The following ABAT variants were observed in gnomAD, a reference collection of about 807,000 sequenced individuals.
The protein encoded by ABAT is 4-aminobutyrate aminotransferase, also known as 4-aminobutyrate aminotransferase, mitochondrial.
Under a neutral mutation model 64.6 loss-of-function variants are expected in ABAT, and 45 were observed. The observed-to-expected ratio is 0.70, with a 90% CI of 0.55 to 0.89. ABAT has a LOEUF of 0.89. ABAT is among the 40% of genes least tolerant of loss of function. The pLI is 0.00. For missense variants in ABAT, 633 were observed against 658.4 expected (o/e 0.96, Z 0.42); for synonymous variants, 297 against 250.5 (o/e 1.19, Z -1.75).
At chr16:8,747,576 G>C (rs973910628) in intron 3 of ABAT, among the ~76,000 whole-genome samples, 2 of 151,974 alleles carry the variant, frequency 1.3e-5, no homozygotes, top group Admixed American at 6.6e-5. Context: ...GACACTAACT[G>C]CTAACATCTA....
chr16:8,746,614 C>A (rs2059337774), intron 3 of ABAT, among the ~76,000 whole-genome samples: 1 of 151,326 alleles, frequency 6.6e-6, no homozygotes, highest in Non-Finnish European at 1.5e-5. Flanking sequence ...GTCCTGACCT[C>A]AAGTGATCCA....
intron 1 of ABAT, among the ~76,000 whole-genome samples, chr16:8,732,313 G>A (rs1226572134): frequency 4.7e-5 from 7 of 150,032 alleles, no homozygotes; most frequent in Non-Finnish European, 8.8e-5. Context: ...AGGGAAGGTC[G>A]GCAGATAAAC....
rs150098537 is a variant in ABAT, at chr16:8,704,065, A to G, written c.-42+29354A>G. Among the ~76,000 whole-genome samples the G allele has an allele frequency of 1.3e-3, 202 of 152,304 alleles. 2 individuals carry two copies. The Middle Eastern group carries it at 0.014, about 10-fold the overall frequency. On this transcript the variant is annotated intron_variant, in intron 1 of 15. Coordinates refer to ENST00000268251, the MANE Select transcript of ABAT (RefSeq NM_020686.6). Reference sequence around the variant, plus strand: ...ACTCCAAGCTTTCCTTTCTTCCACTATCTTGGGATGAGTCGAGAAGTTTCC... The same window carrying G: ...ACTCCAAGCTTTCCTTTCTTCCACTGTCTTGGGATGAGTCGAGAAGTTTCC...
chr16:8,735,960 G>A (rs919889566), intron 2 of ABAT, 151 bp downstream of exon 2: 2 of 684,864 alleles, frequency 2.9e-6, no homozygotes, highest in Non-Finnish European at 5.1e-6. Flanking sequence ...TTCTCATGCT[G>A]CTAATAAAGG....
chr16:8,726,166 A>G (rs1290581500), intron 1 of ABAT, among the ~76,000 whole-genome samples: 1 of 152,144 alleles, frequency 6.6e-6, no homozygotes, highest in African/African-American at 2.4e-5. Flanking sequence ...TCCCACAAAT[A>G]AGTGAGAACA....
rs149212886 is a variant in ABAT, at chr16:8,688,525, C to T, written c.-42+13814C>T. On this transcript the variant is annotated intron_variant, in intron 1 of 15. Transcript: ENST00000268251. Reference sequence around the variant, plus strand: ...ACTTTTTGAATAGGCAATCATGGCACGTGGTAAAACACTCAAACACTGCAA... The same window carrying T: ...ACTTTTTGAATAGGCAATCATGGCATGTGGTAAAACACTCAAACACTGCAA... Among the ~76,000 whole-genome samples the T allele has an allele frequency of 9.0e-4, 136 of 150,578 alleles. 1 individual carries two copies. Among genetic ancestry groups the T allele is most frequent in the African/African-American group, 1.6e-3 (68 of 41,306 alleles).
At chr16:8,698,356 G>A (rs768821169) in intron 1 of ABAT, among the ~76,000 whole-genome samples, 25 of 151,050 alleles carry the variant, frequency 1.7e-4, no homozygotes, top group Non-Finnish European at 3.2e-4. Flanking sequence ...TCTTTGAGAC[G>A]GAGTTCCACT....
chr16:8,769,691 G>A (rs192675492), intron 11 of ABAT, among the ~76,000 whole-genome samples: 1 of 152,052 alleles, frequency 6.6e-6, no homozygotes, highest in Non-Finnish European at 1.5e-5. Context: ...TTGAGTTGCT[G>A]TGGGTCGGGG....
At chr16:8,685,601 G>A (rs1032854994) in intron 1 of ABAT, among the ~76,000 whole-genome samples, 60 of 151,874 alleles carry the variant, frequency 4.0e-4, no homozygotes, top group Middle Eastern at 3.4e-3. Context: ...GCTTGAACCC[G>A]GGAGGCGGAG....
chr16:8,708,186 AT>A (rs2057991078), intron 1 of ABAT, among the ~76,000 whole-genome samples: 1 of 152,190 alleles, frequency 6.6e-6, no homozygotes, highest in African/African-American at 2.4e-5. Context: ...GGGAGAGAGA[AT>A]TTGTTTGGTT....
At chr16:8,779,345 C>G in intron 14 of ABAT, 134 bp from the exon 15 acceptor site, 1 of 736,584 alleles carries the variant, frequency 1.4e-6, no homozygotes, top group Non-Finnish European at 2.4e-6. Flanking sequence ...AGCTCTTAAC[C>G]CCCTGGAGGT....
At chr16:8,680,614 G>C (rs1478881808) in intron 1 of ABAT, among the ~76,000 whole-genome samples, 1 of 152,122 alleles carries the variant, frequency 6.6e-6, no homozygotes, top group East Asian at 1.9e-4. Flanking sequence ...TTTTAGTAGA[G>C]ACGGGGTTTC....
Position 8,776,351 on chromosome 16 carries a change from G to T in ABAT, c.1130G>T (p.Arg377Leu). The T allele has an allele frequency of 6.2e-7, 1 of 1,614,168 alleles. No individual in the cohort carries two copies. The highest frequency in any genetic ancestry group is 8.5e-7 in the Non-Finnish European group (1 of 1,180,038). ...KEEFRPNAPYRIFNTWLGDPS... is the reference protein window; with the variant it reads ...KEEFRPNAPYLIFNTWLGDPS... Reference sequence around the variant, plus strand: ...ACCCGTTCCTCATTCCAGCCCTACCGGATCTTCAACACCTGGCTGGGGGAC... The same window carrying T: ...ACCCGTTCCTCATTCCAGCCCTACCTGATCTTCAACACCTGGCTGGGGGAC... The change falls in exon 14 of 16, where the codon CGG (arginine) becomes CTG (leucine). Residue 377 changes from arginine (R) to leucine (L), a missense_variant. Physicochemically the swap from Arg to Leu is moderately radical, Grantham distance 102 (BLOSUM62 -2). Coordinates refer to ENST00000268251, the MANE Select transcript of ABAT (RefSeq NM_020686.6). This position sits in a 1 kb window ranked among gnomAD's most constrained non-coding sequence, Gnocchi z 4.4.
intron 1 of ABAT, chr16:8,712,999 GC>G (rs2058112400): frequency 6.6e-6 from 1 of 152,038 alleles, no homozygotes; most frequent in African/African-American, 2.4e-5. Context: ...CCTCTTCTGG[GC>G]CCCCTGTGGA....
intron 1 of ABAT, chr16:8,715,084 T>C (rs2058176096): frequency 6.6e-6 from 1 of 152,234 alleles, no homozygotes; most frequent in South Asian, 2.1e-4. Flanking sequence ...CCCTCTGACA[T>C]CACATGTCCA....
intron 1 of ABAT, among the ~76,000 whole-genome samples, chr16:8,681,639 A>AT (rs2057336199): frequency 1.0e-5 from 1 of 98,154 alleles, no homozygotes; most frequent in Non-Finnish European, 2.1e-5. Flanking sequence ...AATGACTGCT[A>AT]TCTTTTTTTT....
intron 1 of ABAT, among the ~76,000 whole-genome samples, chr16:8,727,159 G>C (rs1376310774): frequency 6.6e-6 from 1 of 152,030 alleles, no homozygotes; most frequent in Non-Finnish European, 1.5e-5. Context: ...TCGCTTTGTT[G>C]GTTGTATCCT....
At position 8,776,429 on chromosome 16, in the gene ABAT, A is replaced by G. The variant is rs1395351659; in HGVS notation, c.1208A>G (p.Asp403Gly). 4 of 1,614,132 alleles carry G rather than the reference A, an allele frequency of 2.5e-6. No individual in the cohort carries two copies. The highest frequency in any genetic ancestry group is 1.7e-5 in the Admixed American group (1 of 60,010). The change falls in exon 14 of 16, where the codon GAC becomes GGC. Residue 403 changes from aspartate (D) to glycine (G), a missense_variant. By Grantham distance (94) the Asp-to-Gly change is moderately conservative (BLOSUM62 -1). Transcript: ENST00000268251. The surrounding 1 kb of genome is among the most constrained non-coding windows in gnomAD (Gnocchi z 4.4). ...GTCATCAACATCATCAAGCGGGAGG[A>G]CCTGCTAAATAATGCAGCCCATGCC... Reference protein sequence around the residue: ...AEVINIIKREDLLNNAAHAGK... With the variant: ...AEVINIIKREGLLNNAAHAGK...
chr16:8,725,393 C>A (rs2058520645), intron 1 of ABAT, among the ~76,000 whole-genome samples: 1 of 152,176 alleles, frequency 6.6e-6, no homozygotes, highest in Non-Finnish European at 1.5e-5. Context: ...CAGGCCCCTG[C>A]CAACCCCTGA....
Sources: allele counts gnomAD v4.1 joint callset (sites outside exome capture counted in the v4.1 genomes callset), GRCh38; gene constraint gnomAD v4.1.1; non-coding constraint Gnocchi (gnomAD v3.1); transcripts MANE v1.5; gene names NCBI Gene and HGNC (gene_info 2026-07-23, HGNC 2026-07-21).